Variants in CHIA observed in about 807,000 individuals in gnomAD.
CHIA encodes acidic mammalian chitinase.
CHIA carries 47 observed loss-of-function variants against 53.5 expected under a neutral mutation model. The ratio of observed to expected loss-of-function variants is 0.88; its 90% CI spans 0.70 to 1.12. The LOEUF is 1.12. Among genes scored for constraint, CHIA ranks in the 50% most tolerant of loss-of-function variants. CHIA has a pLI of 0.00. For synonymous variants in CHIA, 268 were observed against 222.2 expected, an observed-to-expected ratio of 1.21 and a Z score of -1.83; for missense variants, 652 against 592.2, an observed-to-expected ratio of 1.10 and a Z score of -1.05.
rs139686297 is a variant in CHIA at position 111,290,983 on chromosome 1, C to T, written c.-69+33C>T. The stretch of plus-strand genomic sequence containing the variant: ...TAAATATATATATATCTTTTCCCTT[C>T]TCCCTTTCCCATTGCAATTTGATTG... On this transcript the variant is annotated intron_variant, in intron 1 of 11. Transcript: ENST00000369740. 169 of 390,814 alleles carry T rather than the reference C, an allele frequency of 4.3e-4. 7 individuals carry two copies. The East Asian group carries it at 0.01, about 24-fold the overall frequency. The allele number at this position is 390,814 out of a possible 1,614,324, so 24.2% of individuals were successfully genotyped here.
intron 1 of CHIA, among the ~76,000 whole-genome samples, chr1:111,293,261 T>G (rs1661135719): frequency 2.6e-5 from 4 of 152,322 alleles, no homozygotes; most frequent in African/African-American, 9.6e-5. Flanking sequence ...TTCTGTTTTT[T>G]GATAGTAGCC....
At chr1:111,312,774 C>T (rs12136028) in intron 4 of CHIA, among the ~76,000 whole-genome samples, 19,922 of 151,816 alleles carry the variant, frequency 0.13, 1,527 homozygotes, top group African/African-American at 0.19. Context: ...AATTTTGTAT[C>T]CTTTGACCAA....
intron 1 of CHIA, 95 bp from the exon 2 acceptor site, chr1:111,310,305 G>C (rs1648557815): frequency 2.9e-6 from 4 of 1,397,932 alleles, no homozygotes; most frequent in Non-Finnish European, 3.8e-6. Context: ...GGAGGGTGTA[G>C]GTTGAAGGTC....
chr1:111,301,561 G>T (rs1365506397), intron 1 of CHIA, among the ~76,000 whole-genome samples: 2 of 151,890 alleles, frequency 1.3e-5, no homozygotes, highest in Admixed American at 6.6e-5. Context: ...AATTAGCCAG[G>T]CGTGGTGGCA....
intron 1 of CHIA, among the ~76,000 whole-genome samples, chr1:111,306,515 G>A (rs1648198515): frequency 6.6e-6 from 1 of 152,142 alleles, no homozygotes; most frequent in Non-Finnish European, 1.5e-5. Flanking sequence ...AAAATATAAA[G>A]GATATTTACA....
chr1:111,312,070 C>A, intron 3 of CHIA, 120 bp from the exon 4 acceptor site: 1 of 762,828 alleles, frequency 1.3e-6, no homozygotes, highest in Non-Finnish European at 2.3e-6. Flanking sequence ...TACTAATTAC[C>A]TCCACACAGA....
In CHIA at chr1:111,295,558, C is replaced by T. The variant is rs187095925; in HGVS notation, c.-69+4608C>T. Among the ~76,000 whole-genome samples, 131 of 152,236 alleles carry T rather than the reference C, an allele frequency of 8.6e-4. 1 individual carries two copies. The East Asian group carries it at 0.023, about 27-fold the overall frequency. On this transcript the variant is annotated intron_variant, in intron 1 of 11. Transcript: ENST00000369740. ...AAGATGGCCAAAGAGGAACAGCTCCCGTCTGCAGCTCCCAGTGTGATCAAC... is the reference window on the plus strand; with the variant it reads ...AAGATGGCCAAAGAGGAACAGCTCCTGTCTGCAGCTCCCAGTGTGATCAAC...
chr1:111,297,901 C>CAAAAAAAAAAAAAA (rs1188512345), intron 1 of CHIA, among the ~76,000 whole-genome samples: 33 of 31,844 alleles, frequency 1.0e-3, no homozygotes, highest in Non-Finnish European at 1.2e-3. Flanking sequence ...AAATGGAAAG[C>CAAAAAAAAAAAAAA]AAAAAAAAAA....
intron 1 of CHIA, among the ~76,000 whole-genome samples, chr1:111,297,983 A>G (rs12402631): frequency 0.28 from 41,395 of 150,486 alleles, 6,047 homozygotes; most frequent in East Asian, 0.35. Flanking sequence ...AGCAAAAATC[A>G]AAAGAGACAA....
rs200617710 is a variant in CHIA at position 111,317,722 on chromosome 1, C to T, written c.522C>T (p.Asn174=). The T allele has an allele frequency of 5.6e-6, 9 of 1,614,096 alleles. No homozygotes were observed. The highest frequency in any genetic ancestry group is 1.7e-4 in the Middle Eastern group (1 of 5,980). ...EAFEQEAKQI[N]KPRLMVTAAV... is the part of the protein sequence containing the mutation. The stretch of plus-strand genomic sequence containing the variant: ...TTGAGCAGGAGGCCAAGCAGATCAA[C>T]AAGCCCAGGCTGATGGTCACTGCTG... Residue 174 remains asparagine, a synonymous_variant, in exon 7 of 12, where the codon AAC becomes AAT. Transcript: ENST00000369740.
intron 4 of CHIA, among the ~76,000 whole-genome samples, chr1:111,313,589 C>T (rs1648884682): frequency 6.6e-6 from 1 of 152,142 alleles, no homozygotes; most frequent in Non-Finnish European, 1.5e-5. Flanking sequence ...ACTATTTTCT[C>T]CCATTCCATA....
At chr1:111,306,042 TG>T (rs1276988281) in intron 1 of CHIA, among the ~76,000 whole-genome samples, 1 of 152,180 alleles carries the variant, frequency 6.6e-6, no homozygotes. Context: ...AAGACTACTA[TG>T]GAGAAAGTTA....
intron 1 of CHIA, among the ~76,000 whole-genome samples, chr1:111,302,931 G>A (rs1043505661): frequency 1.1e-4 from 16 of 151,992 alleles, no homozygotes; most frequent in Non-Finnish European, 2.2e-4. Flanking sequence ...TATTTTTATA[G>A]TGTGTCATTA....
At chr1:111,310,562 C>A in intron 2 of CHIA, 70 bp downstream of exon 2, 1 of 1,611,326 alleles carries the variant, frequency 6.2e-7, no homozygotes, top group African/African-American at 1.3e-5. Context: ...CTCTGAAAAT[C>A]ATGAAGTGGT....
At chr1:111,298,668 A>C (rs1455566985) in intron 1 of CHIA, among the ~76,000 whole-genome samples, 1 of 152,226 alleles carries the variant, frequency 6.6e-6, no homozygotes, top group African/African-American at 2.4e-5. Flanking sequence ...TAACATCACA[A>C]TTAAAAGAAC....
intron 1 of CHIA, among the ~76,000 whole-genome samples, chr1:111,296,699 G>C (rs563897305): frequency 1.3e-5 from 2 of 152,206 alleles, no homozygotes; most frequent in Admixed American, 6.5e-5. Flanking sequence ...GCCAGCAACG[G>C]AACAAAGCTG....
chr1:111,308,996 C>T (rs1015226525), intron 1 of CHIA, among the ~76,000 whole-genome samples: 3 of 152,080 alleles, frequency 2.0e-5, no homozygotes, highest in East Asian at 1.9e-4. Flanking sequence ...TTGAAATGTT[C>T]CCTGAACAAC....
intron 8 of CHIA, 34 bp from the exon 9 acceptor site, chr1:111,318,459 G>T: frequency 6.3e-7 from 1 of 1,585,178 alleles, no homozygotes; most frequent in Non-Finnish European, 8.6e-7. Flanking sequence ...TCCTCAGCTG[G>T]TTGGGCCATG....
chr1:111,300,858 T>C (rs1647664794), intron 1 of CHIA, among the ~76,000 whole-genome samples: 1 of 152,092 alleles, frequency 6.6e-6, no homozygotes, highest in African/African-American at 2.4e-5. Flanking sequence ...TACCAGAATC[T>C]ACAAAGAACT....
Sources: allele counts gnomAD v4.1 joint callset (sites outside exome capture counted in the v4.1 genomes callset), GRCh38; gene constraint gnomAD v4.1.1; transcripts MANE v1.5; gene names NCBI Gene and HGNC (gene_info 2026-07-23, HGNC 2026-07-21).